Variants in EPHX1 observed in about 807,000 individuals in gnomAD.
The protein encoded by EPHX1 is epoxide hydratase.
Under a neutral mutation model 43.2 loss-of-function variants are expected in EPHX1, and 40 were observed. The observed-to-expected ratio is 0.93, with a 90% confidence interval of 0.72 to 1.21. The LOEUF (loss-of-function observed/expected upper bound fraction) is 1.21, where lower values mean the gene tolerates loss of function less well. EPHX1 is among the 50% of genes most tolerant of loss of function. The pLI is 0.00. For missense variants in EPHX1, 550 were observed against 570.4 expected (o/e 0.96, Z 0.36); for synonymous variants, 221 against 226.7 (o/e 0.98, Z 0.22).
At position 225,845,455 on chromosome 1, in the gene EPHX1, C is replaced by A; in HGVS notation, c.*108C>A. On this transcript the variant is annotated 3_prime_UTR_variant, in exon 9 of 9. Transcript: ENST00000272167. ...AATGAGTTTGCCTCCGTCCCCTGCC[C>A]ATGCTGGGAGCCCACGCTCACCCCC... 8.3e-7 allele frequency: 1 copy of A among 1,206,328 alleles called. No individual in the cohort carries two copies. Among genetic ancestry groups the A allele is most frequent in the Non-Finnish European group, 1.2e-6 (1 of 860,460 alleles). The allele number at this position is 1,206,328 out of a possible 1,614,324, so 74.7% of individuals were successfully genotyped here.
intron 1 of EPHX1, among the ~76,000 whole-genome samples, chr1:225,820,857 T>C (rs1440916685): frequency 6.6e-6 from 1 of 152,066 alleles, no homozygotes; most frequent in East Asian, 1.9e-4. Flanking sequence ...TTATCTGTTA[T>C]CCGTTTGTCT....
Position 225,817,945 on chromosome 1 carries a change from G to T in EPHX1, c.-6+7776G>T, listed in dbSNP as rs374399331. On this transcript the variant is annotated intron_variant, in intron 1 of 8. Transcript: ENST00000272167. This position sits in a 1 kb window ranked among gnomAD's most constrained non-coding sequence, Gnocchi z 5.7. ...TGGGTTGGGGGAGGGGAGTCTTTGG[G>T]CAGGCGGTAGACCTGCCCTTTACTT... 3.3e-5 allele frequency among the ~76,000 whole-genome samples: 5 copies of T among 152,316 alleles called. No homozygotes were observed. In the East Asian group the frequency reaches 5.8e-4, roughly 18 times the overall value.
chr1:225,832,590 C>T (rs115064317), intron 3 of EPHX1, among the ~76,000 whole-genome samples: 266 of 152,342 alleles, frequency 1.7e-3, no homozygotes, highest in African/African-American at 5.3e-3. Context: ...TTGGATCATA[C>T]GGTAATTCTG....
Position 225,838,661 on chromosome 1 carries a change from CATCCACT to C in EPHX1, c.373_379del (p.Ile125SerfsTer4). 1 of 1,613,926 alleles carries C rather than the reference CATCCACT, an allele frequency of 6.2e-7. No individual in the cohort carries two copies. The highest frequency in any genetic ancestry group is 8.5e-7 in the Non-Finnish European group (1 of 1,179,862). ...TGTGCTCTGTCCCCCCAGGGCTGGACATCCACTTCATCCACGTGAAGCCCCCCCAGCT... is the reference window on the plus strand; with the variant it reads ...TGTGCTCTGTCCCCCCAGGGCTGGACTCATCCACGTGAAGCCCCCCCAGCT... On this transcript the variant is annotated frameshift_variant, in exon 4 of 9. Coordinates refer to ENST00000272167, the MANE Select transcript of EPHX1 (RefSeq NM_001136018.4). LOFTEE classifies it high-confidence loss of function.
rs1423091803 is a variant in EPHX1 at position 225,845,545 on chromosome 1, A to C, written c.*198A>C. On this transcript the variant is annotated 3_prime_UTR_variant, in exon 9 of 9. Transcript: ENST00000272167. ...TGGTAAGCAACATGGCTTTGATGAT[A>C]AACGACTTTACTCTAAAAGCGGCTG... 23 of 623,470 alleles carry C rather than the reference A, an allele frequency of 3.7e-5. No individual in the cohort carries two copies. Among genetic ancestry groups the C allele is most frequent in the Non-Finnish European group, 6.4e-5 (23 of 356,770 alleles). The allele number at this position is 623,470 out of a possible 1,614,324, so 38.6% of individuals were successfully genotyped here.
chr1:225,842,449 T>C lies in EPHX1; in HGVS notation c.1015T>C (p.Tyr339His). ...FSTWTNTEFR[Y>H]LEDGGLERKF... The stretch of plus-strand genomic sequence containing the variant: ...CACCTGGACCAATACGGAATTCCGA[T>C]ACCTGGAGGATGGAGGCCTGGAAAG... The change falls in exon 7 of 9, where the codon TAC (tyrosine) becomes CAC (histidine). Residue 339 changes from tyrosine (Y) to histidine (H), a missense_variant. By Grantham distance (83) the Tyr-to-His change is moderately conservative (BLOSUM62 2). Transcript: ENST00000272167. 1 of 1,610,590 alleles carries C rather than the reference T, an allele frequency of 6.2e-7. No individual in the cohort carries two copies. The highest frequency in any genetic ancestry group is 1.1e-5 in the South Asian group (1 of 91,014).
chr1:225,840,193 A>C (rs1200065947), intron 6 of EPHX1, among the ~76,000 whole-genome samples, 156 bp downstream of exon 6: 1 of 152,228 alleles, frequency 6.6e-6, no homozygotes, highest in East Asian at 1.9e-4. Flanking sequence ...GCATTTTCCC[A>C]TAGAATCAAG....
At chr1:225,841,085 T>C (rs1301385774) in intron 6 of EPHX1, 2 of 152,160 alleles carry the variant, frequency 1.3e-5, no homozygotes, top group African/African-American at 4.8e-5. Flanking sequence ...TACGTCCATA[T>C]CACCAACATG....
chr1:225,839,124 G>A lies in EPHX1; in HGVS notation c.593-93G>A, dbSNP rs1361753243. ...CTTTTCTGACCTCCACCTGGGGGTA[G>A]GCGGGCCTGAGAAATTTCATAGAAC... On this transcript the variant is annotated intron_variant, in intron 4 of 8. Transcript: ENST00000272167. 13 of 1,593,482 alleles carry A rather than the reference G, an allele frequency of 8.2e-6. 1 individual carries two copies. Among genetic ancestry groups the A allele is most frequent in the Non-Finnish European group, 9.4e-6 (11 of 1,168,626 alleles).
intron 3 of EPHX1, among the ~76,000 whole-genome samples, chr1:225,832,379 T>C (rs951341236): frequency 3.3e-5 from 5 of 152,062 alleles, no homozygotes; most frequent in Non-Finnish European, 7.4e-5. Context: ...CTACTAGAAA[T>C]ACAAAAAATA....
chr1:225,822,744 C>T (rs1277617143), intron 1 of EPHX1, among the ~76,000 whole-genome samples: 1 of 152,182 alleles, frequency 6.6e-6, no homozygotes, highest in Non-Finnish European at 1.5e-5. Context: ...GAGATTACCC[C>T]AGGGACATAT....
At chr1:225,831,025 A>G (rs955273382) in intron 2 of EPHX1, among the ~76,000 whole-genome samples, 1 of 152,170 alleles carries the variant, frequency 6.6e-6, no homozygotes, top group Non-Finnish European at 1.5e-5. Context: ...ACCCCCATTC[A>G]TCTGTGCATT....
At chr1:225,831,726 T>C in intron 2 of EPHX1, 53 bp from the exon 3 acceptor site, 1 of 1,584,568 alleles carries the variant, frequency 6.3e-7, no homozygotes, top group African/African-American at 1.3e-5. Context: ...ACTTTGCTCT[T>C]GTGCTCTGTC....
intron 1 of EPHX1, among the ~76,000 whole-genome samples, chr1:225,822,595 T>C (rs767335396): frequency 1.3e-5 from 2 of 152,236 alleles, no homozygotes; most frequent in Non-Finnish European, 2.9e-5. Flanking sequence ...GAAGTTCTAA[T>C]GTTTGCTACA....
Position 225,842,416 on chromosome 1 carries a change from A to T in EPHX1, c.982A>T (p.Lys328Ter). 1 of 1,614,012 alleles carries T rather than the reference A, an allele frequency of 6.2e-7. No homozygotes were observed. Among genetic ancestry groups the T allele is most frequent in the Non-Finnish European group, 8.5e-7 (1 of 1,179,966 alleles). Residue 328 changes from lysine (K) to a stop codon, truncating the protein, a stop_gained, in exon 7 of 9, where the codon AAG (lysine) becomes TAG (stop). Transcript: ENST00000272167. LOFTEE classifies it high-confidence loss of function. ...PVGLAAYILE[K>*]FSTWTNTEFR... ...GGGTCTGGCTGCCTATATTCTAGAGAAGTTTTCCACCTGGACCAATACGGA... is the reference window on the plus strand; with the variant it reads ...GGGTCTGGCTGCCTATATTCTAGAGTAGTTTTCCACCTGGACCAATACGGA...
At chr1:225,820,255 A>C (rs1053566641) in intron 1 of EPHX1, among the ~76,000 whole-genome samples, 2 of 151,804 alleles carry the variant, frequency 1.3e-5, no homozygotes, top group Non-Finnish European at 2.9e-5. Flanking sequence ...TGCCCGGCTA[A>C]TTTTTGTATT....
intron 2 of EPHX1, among the ~76,000 whole-genome samples, chr1:225,831,524 G>A (rs1276202684): frequency 6.6e-6 from 1 of 150,482 alleles, no homozygotes; most frequent in Non-Finnish European, 1.5e-5. Context: ...TCCAGCCTGG[G>A]CAACAGAGTG....
intron 1 of EPHX1, among the ~76,000 whole-genome samples, chr1:225,827,797 A>T (rs992800626): frequency 6.6e-6 from 1 of 152,180 alleles, no homozygotes; most frequent in African/African-American, 2.4e-5. Context: ...ATGGTATATG[A>T]ATTATGTTTC....
chr1:225,832,192 A>G (rs768757419), intron 3 of EPHX1: 165 of 535,114 alleles, frequency 3.1e-4, no homozygotes, highest in Admixed American at 5.4e-4. Context: ...AACCAAAGAA[A>G]TGCACCATCC....
Sources: allele counts gnomAD v4.1 joint callset (sites outside exome capture counted in the v4.1 genomes callset), GRCh38; gene constraint gnomAD v4.1.1; non-coding constraint Gnocchi (gnomAD v3.1); transcripts MANE v1.5; gene names NCBI Gene and HGNC (gene_info 2026-07-23, HGNC 2026-07-21).